PIP5K1B: variants seen among roughly 807,000 people sequenced by gnomAD.
The protein encoded by PIP5K1B is phosphatidylinositol 4-phosphate 5-kinase type-1 beta.
PIP5K1B carries 42 observed loss-of-function variants against 67.0 expected under a neutral mutation model. That is an observed-to-expected ratio of 0.63 (90% CI 0.49 to 0.81). The LOEUF (loss-of-function observed/expected upper bound fraction) is 0.81. Among genes scored for constraint, PIP5K1B ranks in the 30% least tolerant of loss-of-function variants. The pLI is 0.00. For missense variants in PIP5K1B, 459 were observed against 646.3 expected (o/e 0.71, Z 3.14); for synonymous variants, 214 against 231.4 (o/e 0.92, Z 0.68).
In PIP5K1B at chr9:68,894,611, T is replaced by C. The variant is rs1019501755; in HGVS notation, c.744T>C (p.Leu248=). 5.0e-6 allele frequency: 8 copies of C among 1,614,004 alleles called. No homozygotes were observed. The African/African-American group carries it at 1.1e-4, about 22-fold the overall frequency. ...TTGATACGGAAACATACAACGCGCT[T>C]ATGAAAACACTTCAGAGAGACTGCC... ...LYFDTETYNA[L]MKTLQRDCRV... is the part of the protein sequence containing the mutation. The change falls in exon 8 of 16, where the codon CTT becomes CTC. Residue 248 remains leucine (L), a synonymous_variant. Coordinates refer to ENST00000265382, the MANE Select transcript of PIP5K1B (RefSeq NM_003558.4).
chr9:68,940,651 G>A lies in PIP5K1B; in HGVS notation c.1363G>A (p.Gly455Arg), dbSNP rs1458671952. ...SFSSLDEEAL[G>R]SRHRPDLVPS... ...TGTGTTGCTTTCGTTCCTAGCCCTG[G>A]GATCCCGACACAGGCCAGACCTGGT... Residue 455 changes from glycine to arginine, a missense_variant, in exon 14 of 16, where the codon GGA (glycine) becomes AGA (arginine). Physicochemically the swap from Gly to Arg is moderately radical, Grantham distance 125. This residue lies in a region of PIP5K1B where 169 missense variants were observed against 171.9 expected (regional missense o/e 0.98). Transcript: ENST00000265382. 2 of 1,613,346 alleles carry A rather than the reference G, an allele frequency of 1.2e-6. No individual in the cohort carries two copies. Among genetic ancestry groups the A allele is most frequent in the African/African-American group, 2.7e-5 (2 of 74,844 alleles).
At chr9:68,747,939 C>T (rs1207550164) in intron 2 of PIP5K1B, among the ~76,000 whole-genome samples, 1 of 152,134 alleles carries the variant, frequency 6.6e-6, no homozygotes, top group Non-Finnish European at 1.5e-5. Context: ...ATAAAATTAA[C>T]CATTTTATTA....
chr9:68,767,593 TAAAAA>T (rs36028796), intron 2 of PIP5K1B, among the ~76,000 whole-genome samples: 9 of 128,392 alleles, frequency 7.0e-5, no homozygotes, highest in East Asian at 4.4e-4. Context: ...GACTCTGTCT[TAAAAA>T]AAAAAAAAAA....
Position 68,745,868 on chromosome 9 carries a change from G to A in PIP5K1B, c.-86+3211G>A, listed in dbSNP as rs553606272. 2.6e-5 allele frequency among the ~76,000 whole-genome samples: 4 copies of A among 151,976 alleles called. No individual in the cohort carries two copies. The South Asian group carries it at 6.2e-4, about 24-fold the overall frequency. On this transcript the variant is annotated intron_variant, in intron 2 of 15. Coordinates refer to ENST00000265382, the MANE Select transcript of PIP5K1B (RefSeq NM_003558.4). ...TACATCTTATATTATAAATGATAAC[G>A]TTTCCAAATAAATTATACAAGCTAT... is the stretch of plus-strand genomic sequence containing the variant.
intron 1 of PIP5K1B, among the ~76,000 whole-genome samples, chr9:68,712,143 G>A (rs1426382479): frequency 1.3e-5 from 2 of 152,186 alleles, no homozygotes; most frequent in African/African-American, 4.8e-5. Flanking sequence ...ATGGTAATGA[G>A]TGAGCTCTTG....
At chr9:68,802,219 CAGT>C (rs1832636621) in intron 2 of PIP5K1B, among the ~76,000 whole-genome samples, 7 of 152,196 alleles carry the variant, frequency 4.6e-5, no homozygotes, top group Non-Finnish European at 8.8e-5. Flanking sequence ...TTTTTCATGT[CAGT>C]TTGATGCTTG....
intron 2 of PIP5K1B, among the ~76,000 whole-genome samples, chr9:68,743,164 A>C (rs1829099035): frequency 6.6e-6 from 1 of 151,880 alleles, no homozygotes; most frequent in Admixed American, 6.6e-5. Flanking sequence ...AGAAACCTTC[A>C]GATCCTCTGC....
Position 68,921,570 on chromosome 9 carries a change from G to GT in PIP5K1B, c.1117-1732_1117-1731insT, listed in dbSNP as rs150771181. Among the ~76,000 whole-genome samples, 1,182 of 152,174 alleles carry GT rather than the reference G, an allele frequency of 7.8e-3. 8 individuals are homozygous for GT. Among genetic ancestry groups the GT allele is most frequent in the Non-Finnish European group, 0.012 (831 of 67,994 alleles). On this transcript the variant is annotated intron_variant, in intron 11 of 15. Transcript: ENST00000265382. ...TTGTACCAACCAGGTGCATCTAAGG[G>GT]CCCCCCACCTTTCTCTATTTAAAAC...
chr9:68,923,383 C>G lies in PIP5K1B; in HGVS notation c.1198C>G (p.Gln400Glu). The change falls in exon 12 of 16, where the codon CAA becomes GAA. Residue 400 changes from glutamine (Q) to glutamate (E), a missense_variant. Coordinates refer to ENST00000265382, the MANE Select transcript of PIP5K1B (RefSeq NM_003558.4). Reference protein sequence around the residue: ...FMNSRVFKKIQALKASPSKKR... With the variant: ...FMNSRVFKKIEALKASPSKKR... ...GAATTCCAGAGTTTTCAAGAAAATT[C>G]AAGGTAAGATTCTTATGAATTTTTT... is the stretch of plus-strand genomic sequence containing the variant. The G allele has an allele frequency of 6.6e-7, 1 of 1,526,344 alleles. No homozygotes were observed. The highest frequency in any genetic ancestry group is 9.0e-7 in the Non-Finnish European group (1 of 1,110,868). The allele number at this position is 1,526,344 out of a possible 1,614,324, so 94.6% of individuals were successfully genotyped here.
intron 5 of PIP5K1B, among the ~76,000 whole-genome samples, chr9:68,872,871 A>G (rs1823695580): frequency 6.6e-6 from 1 of 152,242 alleles, no homozygotes; most frequent in African/African-American, 2.4e-5. Context: ...TAGCTGAATC[A>G]TAATTAATTA....
At position 68,890,244 on chromosome 9, in the gene PIP5K1B, A is replaced by AACAGTAACTT. The variant is rs1174776202; in HGVS notation, c.471+1113_471+1122dup. On this transcript the variant is annotated intron_variant, in intron 7 of 15. Coordinates refer to ENST00000265382, the MANE Select transcript of PIP5K1B (RefSeq NM_003558.4). ...TCATGTAATATTTTAGAGACAAAGG[A>AACAGTAACTT]ACAGTAACTTAGCCTAGACGGATTT... Among the ~76,000 whole-genome samples the AACAGTAACTT allele has an allele frequency of 1.1e-4, 16 of 152,354 alleles. No individual in the cohort carries two copies. In the South Asian group the frequency reaches 3.1e-3, roughly 30 times the overall value.
At chr9:68,866,910 TA>T (rs1823386153) in intron 5 of PIP5K1B, among the ~76,000 whole-genome samples, 1 of 151,984 alleles carries the variant, frequency 6.6e-6, no homozygotes, top group Admixed American at 6.6e-5. Flanking sequence ...GTACTCGAAT[TA>T]AAAAAATGGA....
chr9:68,775,790 A>T (rs1564125183), intron 2 of PIP5K1B, among the ~76,000 whole-genome samples: 1 of 152,212 alleles, frequency 6.6e-6, no homozygotes, highest in Non-Finnish European at 1.5e-5. Flanking sequence ...CTGAAGTCAT[A>T]GTGTATGTAT....
At chr9:68,854,815 G>A (rs971379249) in intron 4 of PIP5K1B, among the ~76,000 whole-genome samples, 2 of 152,150 alleles carry the variant, frequency 1.3e-5, no homozygotes, top group Non-Finnish European at 2.9e-5. Context: ...AGAAATAATT[G>A]TACATTTTGG....
At chr9:68,826,612 T>C (rs1833999478) in intron 4 of PIP5K1B, among the ~76,000 whole-genome samples, 1 of 152,128 alleles carries the variant, frequency 6.6e-6, no homozygotes, top group Non-Finnish European at 1.5e-5. Context: ...AAAAGGAGGA[T>C]GCAAAAGAAG....
chr9:68,922,744 A>G (rs969825193), intron 11 of PIP5K1B, among the ~76,000 whole-genome samples: 8 of 152,214 alleles, frequency 5.3e-5, no homozygotes, highest in African/African-American at 1.9e-4. Flanking sequence ...CTATGCAATC[A>G]GCAGATAATT....
intron 2 of PIP5K1B, among the ~76,000 whole-genome samples, chr9:68,772,483 G>A (rs966836592): frequency 3.3e-5 from 5 of 152,160 alleles, no homozygotes; most frequent in Admixed American, 6.5e-5. Context: ...AAAGTTCAGC[G>A]CTACCGGGGA....
At chr9:68,734,535 T>C (rs1004819413) in intron 1 of PIP5K1B, among the ~76,000 whole-genome samples, 2 of 152,234 alleles carry the variant, frequency 1.3e-5, no homozygotes, top group Admixed American at 1.3e-4. Flanking sequence ...AGCAGGCAGA[T>C]GGGTCCAGAA....
chr9:68,965,143 G>A (rs1301452873), intron 14 of PIP5K1B, among the ~76,000 whole-genome samples: 3 of 152,152 alleles, frequency 2.0e-5, no homozygotes, highest in African/African-American at 7.2e-5. Flanking sequence ...TTACCTCCCT[G>A]CACCTTAATC....
Sources: allele counts gnomAD v4.1 joint callset (sites outside exome capture counted in the v4.1 genomes callset), GRCh38; gene constraint gnomAD v4.1.1; regional missense constraint gnomAD v4.1.1; transcripts MANE v1.5; gene names NCBI Gene and HGNC (gene_info 2026-07-23, HGNC 2026-07-21).